The following GPRASP3 variants were observed in gnomAD, a reference collection of about 807,000 sequenced individuals.
GPRASP3 encodes G protein-coupled receptor associated sorting protein family member 3, also known as G protein-coupled receptor associated sorting protein 3.
chrX:102,739,078 A>C, the GPRASP3 span, among the ~76,000 whole-genome samples: 1 of 111,358 alleles, frequency 9.0e-6, no homozygotes, highest in East Asian at 2.8e-4. Flanking sequence ...AATCAGAATA[A>C]GCTTCTATCA....
At chrX:102,735,742 C>T in the GPRASP3 span, among the ~76,000 whole-genome samples, 1 of 112,467 alleles carries the variant, frequency 8.9e-6, no homozygotes, top group Non-Finnish European at 1.9e-5. Context: ...CACAAACTTT[C>T]CACAACTTGT....
At chrX:102,751,963 T>C in the GPRASP3 span, 6 of 120,938 alleles carry the variant, frequency 5.0e-5, no homozygotes, top group Admixed American at 9.7e-5. Context: ...TTTTTTTTTT[T>C]TTTTTTACCA....
At chrX:102,721,224 C>T in the GPRASP3 span, 2 of 111,677 alleles carry the variant, frequency 1.8e-5, no homozygotes, top group Middle Eastern at 4.6e-3. Context: ...GAGTTGGCTT[C>T]AGGGGAGCCC....
At chrX:102,749,848 T>C in the GPRASP3 span, 11 of 1,207,913 alleles carry the variant, frequency 9.1e-6, no homozygotes, top group Non-Finnish European at 1.2e-5. Flanking sequence ...TCGTTTTGAT[T>C]CTGACCCCTG....
the GPRASP3 span, among the ~76,000 whole-genome samples, chrX:102,736,483 C>T: frequency 1.8e-5 from 2 of 111,547 alleles, no homozygotes; most frequent in Admixed American, 9.5e-5. Context: ...GGAAGAACAG[C>T]GTGGAGAAAG....
chrX:102,745,568 C>T, the GPRASP3 span, among the ~76,000 whole-genome samples: 1 of 111,086 alleles, frequency 9.0e-6, no homozygotes, highest in Admixed American at 9.5e-5. Context: ...GCTGACACCC[C>T]CTCTCCCATT....
At chrX:102,751,650 T>G in the GPRASP3 span, 1 of 123,352 alleles carries the variant, frequency 8.1e-6, no homozygotes, top group East Asian at 2.8e-4. Context: ...TTACAATTCT[T>G]AACTTCCTCC....
At chrX:102,725,239 C>T in the GPRASP3 span, among the ~76,000 whole-genome samples, 1 of 112,184 alleles carries the variant, frequency 8.9e-6, no homozygotes, top group Non-Finnish European at 1.9e-5. Flanking sequence ...CTATTCCAGG[C>T]CTTGCCCCAC....
the GPRASP3 span, among the ~76,000 whole-genome samples, chrX:102,729,417 CATA>C: frequency 1.8e-5 from 2 of 111,916 alleles, no homozygotes; most frequent in Non-Finnish European, 3.8e-5. Flanking sequence ...GAAATTTAAT[CATA>C]ATATTATAGA....
At chrX:102,733,902 TA>T in the GPRASP3 span, among the ~76,000 whole-genome samples, 417 of 109,375 alleles carry the variant, frequency 3.8e-3, 3 homozygotes, top group African/African-American at 0.013. Flanking sequence ...CGAAGGGAGA[TA>T]GGGGTGGAGC....
chrX:102,737,061 G>C, the GPRASP3 span, among the ~76,000 whole-genome samples: 1 of 111,751 alleles, frequency 8.9e-6, no homozygotes, highest in Non-Finnish European at 1.9e-5. Flanking sequence ...TGTGCATCAA[G>C]AGTGGCAAGA....
At chrX:102,753,128 C>T in the GPRASP3 span, 1 of 122,210 alleles carries the variant, frequency 8.2e-6, no homozygotes, top group East Asian at 2.8e-4. Flanking sequence ...TCCCTCCCCT[C>T]TCTCCCTGTG....
the GPRASP3 span, among the ~76,000 whole-genome samples, chrX:102,727,261 C>T: frequency 1.8e-5 from 2 of 112,464 alleles, no homozygotes; most frequent in African/African-American, 3.2e-5. Flanking sequence ...TATCAACTTC[C>T]GTCCTAAGGC....
the GPRASP3 span, among the ~76,000 whole-genome samples, chrX:102,745,758 C>T: frequency 9.0e-6 from 1 of 111,075 alleles, no homozygotes; most frequent in Admixed American, 9.4e-5. Context: ...CCTGGGTCCC[C>T]AGCCGCCCGC....
chrX:102,730,324 T>G, the GPRASP3 span, among the ~76,000 whole-genome samples: 1 of 111,162 alleles, frequency 9.0e-6, no homozygotes, highest in Admixed American at 9.5e-5. Flanking sequence ...TGATGGGGAG[T>G]GGCTGTATAT....
chrX:102,721,406 G>A, the GPRASP3 span, among the ~76,000 whole-genome samples: 1 of 111,477 alleles, frequency 9.0e-6, no homozygotes, highest in Non-Finnish European at 1.9e-5. Context: ...CAAAACTGGC[G>A]GAGGGTGGAG....
the GPRASP3 span, among the ~76,000 whole-genome samples, chrX:102,733,071 G>A: frequency 8.0e-5 from 9 of 112,338 alleles, no homozygotes; most frequent in South Asian, 3.0e-3. Flanking sequence ...CAAAGACTTG[G>A]TAAAACAACC....
At chrX:102,737,756 T>C in the GPRASP3 span, among the ~76,000 whole-genome samples, 1 of 112,054 alleles carries the variant, frequency 8.9e-6, no homozygotes, top group African/African-American at 3.2e-5. Flanking sequence ...TTGTACTGCA[T>C]GTTGCCATGT....
the GPRASP3 span, among the ~76,000 whole-genome samples, chrX:102,734,595 C>T: frequency 1.5e-4 from 17 of 111,023 alleles, no homozygotes; most frequent in African/African-American, 5.6e-4. Flanking sequence ...CCAGCCTGGG[C>T]AACAGAGCGA....
Sources: allele counts gnomAD v4.1 joint callset (sites outside exome capture counted in the v4.1 genomes callset), GRCh38; gene constraint gnomAD v4.1.1; transcripts MANE v1.5; gene names NCBI Gene and HGNC (gene_info 2026-07-23, HGNC 2026-07-21).